DCHS2: variants seen among roughly 807,000 people sequenced by gnomAD.
DCHS2 encodes the protein dachsous cadherin-related 2.
DCHS2 carries 142 observed loss-of-function variants against 182.4 expected under a neutral mutation model. The ratio of observed to expected loss-of-function variants is 0.78; its 90% CI spans 0.68 to 0.89. The LOEUF (loss-of-function observed/expected upper bound fraction) is 0.89, where lower values mean the gene tolerates loss of function less well. DCHS2 is among the 40% of genes least tolerant of loss of function. The probability of loss-of-function intolerance (pLI) is 0.00; values close to 1 mark genes in which losing one functional copy is unlikely to be tolerated. For synonymous variants in DCHS2, 1,740 were observed against 1,663.3 expected, an observed-to-expected ratio of 1.05 and a Z score of -1.12; for missense variants, 4,319 against 4,198.6, an observed-to-expected ratio of 1.03 and a Z score of -0.79.
At chr4:154,266,456 A>G (rs985580888) in intron 14 of DCHS2, among the ~76,000 whole-genome samples, 23 of 152,148 alleles carry the variant, frequency 1.5e-4, no homozygotes, top group African/African-American at 5.6e-4. Context: ...GGAGATCGAG[A>G]CCATCCTGGC....
At chr4:154,341,853 CTG>C (rs1729124173) in intron 3 of DCHS2, among the ~76,000 whole-genome samples, 1 of 152,136 alleles carries the variant, frequency 6.6e-6, no homozygotes, top group Admixed American at 6.5e-5. Flanking sequence ...TATTTCCTGT[CTG>C]AAAGTGCTGA....
At chr4:154,457,975 T>G (rs554977685) in intron 1 of DCHS2, among the ~76,000 whole-genome samples, 1 of 152,300 alleles carries the variant, frequency 6.6e-6, no homozygotes, top group South Asian at 2.1e-4. Flanking sequence ...TTTGTTTAAC[T>G]TTTTTTCCTA....
chr4:154,271,871 C>A (rs1379778286), intron 13 of DCHS2, among the ~76,000 whole-genome samples: 1 of 152,028 alleles, frequency 6.6e-6, no homozygotes, highest in African/African-American at 2.4e-5. Context: ...AAAATATTTT[C>A]TATGATCAGT....
chr4:154,439,348 G>A (rs1471294799), intron 1 of DCHS2, among the ~76,000 whole-genome samples: 1 of 152,090 alleles, frequency 6.6e-6, no homozygotes, highest in Non-Finnish European at 1.5e-5. Flanking sequence ...TACCACCTGT[G>A]CCAACATTCT....
chr4:154,239,453 T>G, intron 18 of DCHS2, 151 bp from the exon 19 acceptor site: 1 of 1,251,522 alleles, frequency 8.0e-7, no homozygotes, highest in Non-Finnish European at 1.1e-6. Flanking sequence ...ATTTATGGAA[T>G]TGGCATATTA....
chr4:154,386,590 T>G (rs1416349709), intron 1 of DCHS2, among the ~76,000 whole-genome samples: 49 of 152,160 alleles, frequency 3.2e-4, no homozygotes. Context: ...TAACATGTCT[T>G]CCCCACTGGA....
At chr4:154,427,991 G>C (rs1363942403) in intron 1 of DCHS2, among the ~76,000 whole-genome samples, 1 of 152,224 alleles carries the variant, frequency 6.6e-6, no homozygotes, top group Non-Finnish European at 1.5e-5. Context: ...GCATATGAAG[G>C]CAGTCTGGAG....
intron 1 of DCHS2, among the ~76,000 whole-genome samples, chr4:154,383,647 A>G (rs1206717056): frequency 6.6e-6 from 1 of 152,100 alleles, no homozygotes; most frequent in East Asian, 1.9e-4. Context: ...TACAAGTGGA[A>G]TGGATCTGCT....
intron 1 of DCHS2, among the ~76,000 whole-genome samples, chr4:154,450,289 C>T (rs1240983605): frequency 6.6e-6 from 1 of 152,184 alleles, no homozygotes; most frequent in African/African-American, 2.4e-5. Flanking sequence ...TGAGATTTGA[C>T]TTGAACGGTA....
chr4:154,323,365 T>C, intron 7 of DCHS2: 1 of 1,544,722 alleles, frequency 6.5e-7, no homozygotes, highest in Non-Finnish European at 8.7e-7. Context: ...AGTCTCTTTC[T>C]GTTACCCAGG....
intron 1 of DCHS2, among the ~76,000 whole-genome samples, chr4:154,401,578 G>A (rs560071098): frequency 6.6e-5 from 10 of 152,090 alleles, no homozygotes; most frequent in Admixed American, 2.0e-4. Context: ...GTCTTTTGAT[G>A]AGCAAATTTT....
chr4:154,256,030 G>A (rs1045536115), intron 15 of DCHS2, among the ~76,000 whole-genome samples: 1 of 152,138 alleles, frequency 6.6e-6, no homozygotes, highest in Non-Finnish European at 1.5e-5. Context: ...GGGAAAAAAT[G>A]TTATGGGAAA....
At position 154,233,191 on chromosome 4, in the gene DCHS2, C is replaced by T. The variant is rs1427723083; in HGVS notation, c.*1345G>A. On this transcript the variant is annotated 3_prime_UTR_variant, in exon 20 of 20. Coordinates refer to ENST00000357232, the MANE Select transcript of DCHS2 (RefSeq NM_001358235.2). ...TAAACTGTTAGCCTAACACCTGGCC[C>T]TCATGCTGACCACAGGAAGAGGACT... is the stretch of plus-strand genomic sequence containing the variant. The T allele has an allele frequency of 1.3e-5, 2 of 152,282 alleles. No homozygotes were observed. Among genetic ancestry groups the T allele is most frequent in the South Asian group, 4.2e-4 (2 of 4,816 alleles). The allele number at this position is 152,282 out of a possible 1,614,324, so 9.4% of individuals were successfully genotyped here. A position where few individuals can be genotyped will look rare whatever the true frequency, so the allele number is the denominator to read the frequency against.
chr4:154,247,524 C>A (rs1578852618), intron 16 of DCHS2, among the ~76,000 whole-genome samples: 1 of 151,842 alleles, frequency 6.6e-6, no homozygotes, highest in East Asian at 1.9e-4. Flanking sequence ...TGCCTGTAGT[C>A]CCAGCTACTT....
chr4:154,338,783 AAAGACTTTAC>A (rs1728932722), intron 3 of DCHS2, among the ~76,000 whole-genome samples: 1 of 152,198 alleles, frequency 6.6e-6, no homozygotes, highest in Non-Finnish European at 1.5e-5. Flanking sequence ...TTTCATCTAG[AAAGACTTTAC>A]ACACTACATT....
At chr4:154,360,648 A>G (rs2110753856) in intron 3 of DCHS2, among the ~76,000 whole-genome samples, 1 of 152,274 alleles carries the variant, frequency 6.6e-6, no homozygotes, top group South Asian at 2.1e-4. Flanking sequence ...GAATCATTAC[A>G]TGGTATAAAA....
rs200033605 is a variant in DCHS2 at position 154,235,552 on chromosome 4, A to G, written c.9100T>C (p.Ser3034Pro). Reference protein sequence around the residue: ...TINNYEEKKTSSLDADLRVTR... With the variant: ...TINNYEEKKTPSLDADLRVTR... ...ACTCTCAAGTCCGCATCTAAAGATG[A>G]GGTTTTCTTCTCCTCATAATTGTTT... The change falls in exon 20 of 20, where the codon TCA (serine) becomes CCA (proline). Residue 3034 changes from serine to proline, a missense_variant. Physicochemically the swap from Ser to Pro is moderately conservative, Grantham distance 74. Transcript: ENST00000357232. 2.5e-6 allele frequency: 4 copies of G among 1,614,054 alleles called. No homozygotes were observed. In the African/African-American group the frequency reaches 5.3e-5, roughly 22 times the overall value.
chr4:154,313,232 C>T (rs1042612591), intron 10 of DCHS2, among the ~76,000 whole-genome samples: 3 of 152,162 alleles, frequency 2.0e-5, no homozygotes, highest in Non-Finnish European at 4.4e-5. Context: ...TCTTTTTTCA[C>T]TAACAATGGC....
At chr4:154,443,533 C>T (rs1560761909) in intron 1 of DCHS2, among the ~76,000 whole-genome samples, 1 of 152,138 alleles carries the variant, frequency 6.6e-6, no homozygotes. Context: ...TATTTTCCCA[C>T]CCACAAACTA....
Sources: gnomAD v4.1 joint callset for allele counts (sites outside exome capture counted in the v4.1 genomes callset) on GRCh38, gnomAD v4.1.1 for gene constraint, MANE v1.5 for transcripts, NCBI Gene and HGNC (gene_info 2026-07-23, HGNC 2026-07-21) for gene names.